The following RADIL variants were observed in gnomAD, a reference collection of about 807,000 sequenced individuals.
The protein encoded by RADIL is Rap associating with DIL domain, also known as ras-associating and dilute domain-containing protein.
In RADIL, 99 loss-of-function variants were observed where a neutral mutation model predicts 97.6. The ratio of observed to expected loss-of-function variants is 1.01; its 90% CI spans 0.86 to 1.20. The LOEUF is 1.20. Among genes scored for constraint, RADIL ranks in the 50% most tolerant of loss-of-function variants. RADIL has a pLI of 0.00. For synonymous variants in RADIL, 803 were observed against 691.8 expected (o/e 1.16, Z -2.52); for missense variants, 1,765 against 1,498.9 (o/e 1.18, Z -2.93).
In RADIL at chr7:4,814,292, G is replaced by C. The variant is rs896051234; in HGVS notation, c.2139+986C>G. On this transcript the variant is annotated intron_variant, in intron 9 of 14. Coordinates refer to ENST00000399583, the MANE Select transcript of RADIL (RefSeq NM_018059.5). The surrounding 1 kb of genome is among the most constrained non-coding windows in gnomAD (Gnocchi z 4.5). ...TAGGATCCAGACAGCCTCATTTTACGAATTTTCTACAGTCAATAAAAATGC... is the reference window on the plus strand; with the variant it reads ...TAGGATCCAGACAGCCTCATTTTACCAATTTTCTACAGTCAATAAAAATGC... Among the ~76,000 whole-genome samples the C allele has an allele frequency of 1.3e-5, 2 of 152,142 alleles. No individual in the cohort carries two copies. The highest frequency in any genetic ancestry group is 4.8e-5 in the African/African-American group (2 of 41,428).
Position 4,799,269 on chromosome 7 carries a change from C to G in RADIL, c.*109G>C. ...CATGTCCCCAGGGTGAGGCTCCCCA[C>G]CCGGGACCCAACTTGGTCAGTTACA... is the stretch of plus-strand genomic sequence containing the variant. On this transcript the variant is annotated 3_prime_UTR_variant, in exon 15 of 15. Coordinates refer to ENST00000399583, the MANE Select transcript of RADIL (RefSeq NM_018059.5). 3.8e-6 allele frequency: 4 copies of G among 1,051,302 alleles called. No homozygotes were observed. The highest frequency in any genetic ancestry group is 5.7e-6 in the Non-Finnish European group (4 of 703,818). 65.1% of individuals were successfully genotyped at this position (1,051,302 alleles called of 1,614,324 possible).
chr7:4,860,331 GTTCCT>G (rs1466713366), intron 2 of RADIL: 24 of 1,613,868 alleles, frequency 1.5e-5, no homozygotes, highest in Non-Finnish European at 1.9e-5. Context: ...AGCTGGTGAA[GTTCCT>G]TTCTTCTTAA....
At chr7:4,800,332 T>G in intron 12 of RADIL, 22 bp from the exon 13 acceptor site, 1 of 1,423,208 alleles carries the variant, frequency 7.0e-7, no homozygotes, top group Non-Finnish European at 9.2e-7. Flanking sequence ...CCAGGAAAGG[T>G]GGGTGGGAGT....
rs114798592 is a variant in RADIL, at chr7:4,843,351, G to A, written c.536-6746C>T. 1.0e-2 allele frequency among the ~76,000 whole-genome samples: 1,517 copies of A among 152,130 alleles called. 26 individuals are homozygous for A. The highest frequency in any genetic ancestry group is 0.035 in the African/African-American group (1,455 of 41,498). ...AAAGTGGCCCCTAGTAACAACCGGG[G>A]ACGCGCTGCTCAATAAACTCTGCAG... On this transcript the variant is annotated intron_variant, in intron 2 of 14. Coordinates refer to ENST00000399583, the MANE Select transcript of RADIL (RefSeq NM_018059.5).
In RADIL at chr7:4,849,141, A is replaced by G. The variant is rs1210531829; in HGVS notation, c.536-12536T>C. On this transcript the variant is annotated intron_variant, in intron 2 of 14. Coordinates refer to ENST00000399583, the MANE Select transcript of RADIL (RefSeq NM_018059.5). This position sits in a 1 kb window ranked among gnomAD's most constrained non-coding sequence, Gnocchi z 5.4. Reference sequence around the variant, plus strand: ...CAACAAGAGGGAAATTCTGTCTCAAAAAAAAAAAAAAAAAGGGAATTAAAA... The same window carrying G: ...CAACAAGAGGGAAATTCTGTCTCAAGAAAAAAAAAAAAAAGGGAATTAAAA... 2.2e-5 allele frequency among the ~76,000 whole-genome samples: 1 copy of G among 46,510 alleles called. No homozygotes were observed. The highest frequency in any genetic ancestry group is 4.5e-5 in the Non-Finnish European group (1 of 22,422). 30.5% of individuals were successfully genotyped at this position (46,510 alleles called of 152,430 possible). A position where few individuals can be genotyped will look rare whatever the true frequency, so the allele number is the denominator to read the frequency against.
intron 1 of RADIL, among the ~76,000 whole-genome samples, chr7:4,881,620 G>C (rs918689637): frequency 4.0e-5 from 6 of 151,274 alleles, no homozygotes; most frequent in African/African-American, 1.2e-4. Flanking sequence ...CCAGCTACTT[G>C]GCAGGCTGAG....
At chr7:4,799,598 G>T (rs1411756092) in intron 14 of RADIL, 32 bp downstream of exon 14, 1 of 1,605,832 alleles carries the variant, frequency 6.2e-7, no homozygotes, top group Non-Finnish European at 8.5e-7. Context: ...GCATCTGGGA[G>T]AAGGGGCCGG....
chr7:4,808,574 G>C, intron 9 of RADIL: 4 of 976,686 alleles, frequency 4.1e-6, no homozygotes, highest in Non-Finnish European at 4.8e-6. Flanking sequence ...AAAAGCGGCC[G>C]CAAAGCCCGA....
In RADIL at chr7:4,815,188, C is replaced by T. The variant is rs535754763; in HGVS notation, c.2139+90G>A. On this transcript the variant is annotated intron_variant, in intron 9 of 14. Coordinates refer to ENST00000399583, the MANE Select transcript of RADIL (RefSeq NM_018059.5). This position sits in a 1 kb window ranked among gnomAD's most constrained non-coding sequence, Gnocchi z 8.0. ...AGGTTTCCAGCCAAGAAGCCCCGTC[C>T]CGGCCCCCAGGCTTGGTTTGTGAGC... is the stretch of plus-strand genomic sequence containing the variant. The T allele has an allele frequency of 2.9e-5, 41 of 1,409,532 alleles. No homozygotes were observed. Among genetic ancestry groups the T allele is most frequent in the East Asian group, 1.8e-4 (7 of 38,626 alleles). The allele number at this position is 1,409,532 out of a possible 1,614,324, so 87.3% of individuals were successfully genotyped here.
chr7:4,876,329 T>C (rs951893726), intron 2 of RADIL, among the ~76,000 whole-genome samples: 1 of 151,828 alleles, frequency 6.6e-6, no homozygotes, highest in Non-Finnish European at 1.5e-5. Context: ...AGACTGAGTT[T>C]CGTTCTTGTT....
Position 4,872,011 on chromosome 7 carries a change from C to T in RADIL, c.535+5594G>A, listed in dbSNP as rs538449621. On this transcript the variant is annotated intron_variant, in intron 2 of 14. Coordinates refer to ENST00000399583, the MANE Select transcript of RADIL (RefSeq NM_018059.5). This position sits in a 1 kb window ranked among gnomAD's most constrained non-coding sequence, Gnocchi z 5.8. ...AACGCATGAATGCCAAGACTCTGCA[C>T]GTCACCATCCCTGAGACCCTGGGTT... Among the ~76,000 whole-genome samples the T allele has an allele frequency of 1.1e-4, 16 of 152,200 alleles. No homozygotes were observed. The highest frequency in any genetic ancestry group is 1.2e-4 in the Non-Finnish European group (8 of 68,034).
At chr7:4,847,774 G>C (rs980858640) in intron 2 of RADIL, among the ~76,000 whole-genome samples, 3 of 129,384 alleles carry the variant, frequency 2.3e-5, no homozygotes, top group Non-Finnish European at 4.8e-5. Context: ...AAACACACAG[G>C]TATGACTCTA....
In RADIL at chr7:4,802,815, A is replaced by AC. The variant is rs544934790; in HGVS notation, c.2499+730dup. Among the ~76,000 whole-genome samples the AC allele has an allele frequency of 3.6e-3, 166 of 46,276 alleles. 6 individuals are homozygous for AC. The highest frequency in any genetic ancestry group is 0.015 in the African/African-American group (155 of 10,248). The allele number at this position is 46,276 out of a possible 152,430, so 30.4% of individuals were successfully genotyped here. A position where few individuals can be genotyped will look rare whatever the true frequency, so the allele number is the denominator to read the frequency against. Reference sequence around the variant, plus strand: ...AGACACCTCGGGTCATGCTGGCTGGACCCCCTCCCCGGGCACCTCGGGGAA... The same window carrying AC: ...AGACACCTCGGGTCATGCTGGCTGGACCCCCCTCCCCGGGCACCTCGGGGAA... On this transcript the variant is annotated intron_variant, in intron 11 of 14. Coordinates refer to ENST00000399583, the MANE Select transcript of RADIL (RefSeq NM_018059.5).
intron 2 of RADIL, chr7:4,860,423 G>C (rs774191891): frequency 1.2e-6 from 2 of 1,614,168 alleles, no homozygotes; most frequent in East Asian, 4.5e-5. Context: ...ATCTGTGAAA[G>C]ACTGGATATC....
intron 2 of RADIL, among the ~76,000 whole-genome samples, chr7:4,875,264 CAT>C (rs1322049016): frequency 0.09 from 12,787 of 141,914 alleles, 1,708 homozygotes; most frequent in African/African-American, 0.25. Flanking sequence ...GGTGGTGGTG[CAT>C]GCCGTAATCC....
chr7:4,815,354 GC>G lies in RADIL; in HGVS notation c.2062del (p.Ala688ArgfsTer27). 6.4e-7 allele frequency: 1 copy of G among 1,557,928 alleles called. No individual in the cohort carries two copies. Among genetic ancestry groups the G allele is most frequent in the Non-Finnish European group, 8.7e-7 (1 of 1,151,888 alleles). Reference protein sequence around the residue: ...LEWMRSAGFGAAGEHFFQKLS... With the variant: ...LEWMRSAGFGXAGEHFFQKLS... ...CTTCTGGAAGAAGTGCTCTCCAGCCGCCCCGAAGCCGGCGCTCCGCATCCAC... is the reference window on the plus strand; with the variant it reads ...CTTCTGGAAGAAGTGCTCTCCAGCCGCCCGAAGCCGGCGCTCCGCATCCAC... On this transcript the variant is annotated frameshift_variant, in exon 9 of 15. Transcript: ENST00000399583. LOFTEE classifies it high-confidence loss of function. This position sits in a 1 kb window ranked among gnomAD's most constrained non-coding sequence, Gnocchi z 8.0.
chr7:4,846,200 GCTCACTGCAACCTCCGA>G (rs772767338), intron 2 of RADIL, among the ~76,000 whole-genome samples: 23 of 151,062 alleles, frequency 1.5e-4, no homozygotes, highest in Non-Finnish European at 2.7e-4. Flanking sequence ...TGCGATCTTG[GCTCACTGCAACCTCCGA>G]CTCACTGCAA....
chr7:4,847,494 T>C (rs1325412122), intron 2 of RADIL, among the ~76,000 whole-genome samples: 1 of 152,130 alleles, frequency 6.6e-6, no homozygotes, highest in Non-Finnish European at 1.5e-5. Context: ...CTCCTAGGTA[T>C]ATGCCCAAGA....
Position 4,822,766 on chromosome 7 carries a change from C to G in RADIL, c.1455-212G>C, listed in dbSNP as rs1782870480. Among the ~76,000 whole-genome samples, 1 of 152,176 alleles carries G rather than the reference C, an allele frequency of 6.6e-6. No individual in the cohort carries two copies. Among genetic ancestry groups the G allele is most frequent in the Non-Finnish European group, 1.5e-5 (1 of 68,032 alleles). ...CCGACAGCCAGAGGACCCTACAAAC[C>G]TAGCAGGAAGACAGCTGGGCGCCAC... On this transcript the variant is annotated intron_variant, in intron 5 of 14. Transcript: ENST00000399583. The surrounding 1 kb of genome is among the most constrained non-coding windows in gnomAD (Gnocchi z 5.3).
Sources: allele counts gnomAD v4.1 joint callset (sites outside exome capture counted in the v4.1 genomes callset), GRCh38; gene constraint gnomAD v4.1.1; non-coding constraint Gnocchi (gnomAD v3.1); transcripts MANE v1.5; gene names NCBI Gene and HGNC (gene_info 2026-07-23, HGNC 2026-07-21).